The following TBX15 variants were observed in gnomAD, a reference collection of about 807,000 sequenced individuals.
TBX15 encodes T-box transcription factor 15, also known as T-box transcription factor TBX15.
TBX15 carries 18 observed loss-of-function variants against 53.9 expected under a neutral mutation model. The ratio of observed to expected loss-of-function variants is 0.33; its 90% CI spans 0.23 to 0.49. TBX15 has a LOEUF of 0.49. TBX15 is among the 20% of genes least tolerant of loss of function. The pLI is 0.98. For missense variants in TBX15, 692 were observed against 749.5 expected (o/e 0.92, Z 0.90); for synonymous variants, 295 against 278.0 (o/e 1.06, Z -0.61).
At chr1:118,956,700 C>A (rs1040434507) in intron 1 of TBX15, among the ~76,000 whole-genome samples, 4 of 152,044 alleles carry the variant, frequency 2.6e-5, no homozygotes, top group African/African-American at 9.7e-5. Context: ...TGCCTGTAAT[C>A]CCAGCACTTT....
intron 7 of TBX15, among the ~76,000 whole-genome samples, chr1:118,891,976 A>G (rs1215898538): frequency 6.6e-6 from 1 of 152,176 alleles, no homozygotes; most frequent in African/African-American, 2.4e-5. Context: ...ATGAATCTGA[A>G]GGGGTAGGAA....
intron 1 of TBX15, among the ~76,000 whole-genome samples, chr1:118,950,457 CT>C (rs893311187): frequency 4.6e-5 from 7 of 152,216 alleles, no homozygotes; most frequent in African/African-American, 1.7e-4. Context: ...GTGGTCTCAT[CT>C]TTGGCCTTAA....
intron 6 of TBX15, among the ~76,000 whole-genome samples, chr1:118,904,535 G>A (rs58276908): frequency 0.011 from 1,652 of 152,230 alleles, 32 homozygotes; most frequent in African/African-American, 0.038. Context: ...TCATTAATGT[G>A]CCTTGCAATG....
chr1:118,930,450 C>G (rs965804405), intron 2 of TBX15, among the ~76,000 whole-genome samples: 1 of 152,222 alleles, frequency 6.6e-6, no homozygotes, highest in African/African-American at 2.4e-5. Flanking sequence ...GAGTCTTGCT[C>G]TCTCACCCAG....
At chr1:118,922,939 T>A (rs1028895681) in intron 5 of TBX15, among the ~76,000 whole-genome samples, 1 of 133,500 alleles carries the variant, frequency 7.5e-6, no homozygotes, top group Non-Finnish European at 1.7e-5. Context: ...GAAACTATTT[T>A]AAATGGTGGC....
At chr1:118,909,920 A>G (rs760553118) in intron 6 of TBX15, among the ~76,000 whole-genome samples, 1 of 152,148 alleles carries the variant, frequency 6.6e-6, no homozygotes, top group Non-Finnish European at 1.5e-5. Flanking sequence ...ATGGGAAGCT[A>G]GTATGCTCAG....
At chr1:118,943,148 A>C (rs1325945) in intron 1 of TBX15, among the ~76,000 whole-genome samples, 82,176 of 152,044 alleles carry the variant, frequency 0.54, 22,416 homozygotes, top group East Asian at 0.59. Flanking sequence ...GAATATACTT[A>C]ATATAAATTG....
intron 1 of TBX15, among the ~76,000 whole-genome samples, chr1:118,940,481 A>C (rs1342713611): frequency 2.0e-5 from 3 of 151,840 alleles, no homozygotes; most frequent in Admixed American, 6.6e-5. Flanking sequence ...GGCTTTGAGA[A>C]ATTTTTAATG....
At chr1:118,909,285 T>C (rs1012900446) in intron 6 of TBX15, among the ~76,000 whole-genome samples, 2 of 152,222 alleles carry the variant, frequency 1.3e-5, no homozygotes, top group African/African-American at 4.8e-5. Context: ...GTTTGGGGGT[T>C]GTGGCATAAG....
chr1:118,953,100 T>C (rs998342921), intron 1 of TBX15, among the ~76,000 whole-genome samples: 25 of 152,136 alleles, frequency 1.6e-4, no homozygotes, highest in African/African-American at 5.8e-4. Context: ...AATACACCTG[T>C]GGCCAACTAA....
intron 1 of TBX15, among the ~76,000 whole-genome samples, chr1:118,955,957 G>A (rs957114166): frequency 6.6e-6 from 1 of 152,168 alleles, no homozygotes; most frequent in Non-Finnish European, 1.5e-5. Context: ...TGTGGGTCAT[G>A]CCTGGCTTCT....
chr1:118,912,942 T>C (rs542089568), intron 6 of TBX15, among the ~76,000 whole-genome samples: 1 of 152,332 alleles, frequency 6.6e-6, no homozygotes, highest in African/African-American at 2.4e-5. Context: ...CTTTTCTCAG[T>C]ACATACAATT....
At chr1:118,934,815 A>G (rs1655911609) in intron 1 of TBX15, among the ~76,000 whole-genome samples, 1 of 152,242 alleles carries the variant, frequency 6.6e-6, no homozygotes, top group South Asian at 2.1e-4. Flanking sequence ...CTGTGGAGGC[A>G]TAGGCAGTAT....
chr1:118,972,787 A>G (rs57231072), intron 1 of TBX15, among the ~76,000 whole-genome samples: 55,504 of 151,764 alleles, frequency 0.37, 11,029 homozygotes, highest in Non-Finnish European at 0.44. Flanking sequence ...TTTAGTAGAG[A>G]TGAGATTTCA....
intron 6 of TBX15, among the ~76,000 whole-genome samples, chr1:118,899,612 T>C (rs1654553432): frequency 6.6e-6 from 1 of 152,116 alleles, no homozygotes; most frequent in Admixed American, 6.5e-5. Context: ...AAAGGCTTCT[T>C]AAATCAACAG....
At chr1:118,914,070 T>A (rs1454391700) in intron 6 of TBX15, 45 bp downstream of exon 6, 3 of 1,597,212 alleles carry the variant, frequency 1.9e-6, no homozygotes, top group Non-Finnish European at 2.6e-6. Context: ...GTGAGGGAAG[T>A]AATGTCACAT....
chr1:118,914,221 T>C (rs1655114860), intron 5 of TBX15, 42 bp from the exon 6 acceptor site: 1 of 1,572,602 alleles, frequency 6.4e-7, no homozygotes, highest in African/African-American at 1.4e-5. Context: ...TTATATTAAC[T>C]GATTTCTTTC....
chr1:118,942,075 C>A (rs936239542), intron 1 of TBX15, among the ~76,000 whole-genome samples: 2 of 152,132 alleles, frequency 1.3e-5, no homozygotes, highest in Non-Finnish European at 2.9e-5. Context: ...GAAATGGCAA[C>A]AAAATCCTAT....
Position 118,987,781 on chromosome 1 carries a change from TCTC to T in TBX15, c.12_14del (p.Arg6del), listed in dbSNP as rs546180733. ...GCGAGCTCAGGGCGACTGCAGATCT[TCTC>T]CTTTCACTCATTTTAGCCGCCCACA... On this transcript the variant is annotated inframe_deletion, in exon 1 of 8. Coordinates refer to ENST00000369429, the MANE Select transcript of TBX15 (RefSeq NM_001330677.2). 47 of 1,549,886 alleles carry T rather than the reference TCTC, an allele frequency of 3.0e-5. 2 individuals carry two copies. The South Asian group carries it at 5.5e-4, about 18-fold the overall frequency.
Sources: gnomAD v4.1 joint callset for allele counts (sites outside exome capture counted in the v4.1 genomes callset) on GRCh38, gnomAD v4.1.1 for gene constraint, MANE v1.5 for transcripts, NCBI Gene and HGNC (gene_info 2026-07-23, HGNC 2026-07-21) for gene names.